Variants in CAMK1 observed in about 807,000 individuals in gnomAD.
CAMK1 encodes the protein calcium/calmodulin-dependent protein kinase type 1.
In CAMK1, 39 loss-of-function variants were observed where a neutral mutation model predicts 49.1. That is an observed-to-expected ratio of 0.79 (90% CI 0.62 to 1.04). The LOEUF (loss-of-function observed/expected upper bound fraction) is 1.04, where lower values mean the gene tolerates loss of function less well. Ranked by LOEUF, CAMK1 falls within the 50% of genes least tolerant of loss-of-function variation. The pLI is 0.00. For missense variants in CAMK1, 457 were observed against 472.2 expected (o/e 0.97, Z 0.30); for synonymous variants, 192 against 185.2 (o/e 1.04, Z -0.30).
chr3:9,757,716 G>A lies in CAMK1; in HGVS notation c.1030+13C>T, dbSNP rs771826644. 2 of 1,614,070 alleles carry A rather than the reference G, an allele frequency of 1.2e-6. No individual in the cohort carries two copies. The highest frequency in any genetic ancestry group is 1.7e-5 in the Admixed American group (1 of 60,026). On this transcript the variant is annotated intron_variant, in intron 11 of 11. Coordinates refer to ENST00000256460, the MANE Select transcript of CAMK1 (RefSeq NM_003656.5). This position sits in a 1 kb window ranked among gnomAD's most constrained non-coding sequence, Gnocchi z 4.5. ...TGGACCACCCATGCCCTTCTGCAGA[G>A]CCCGCTCCTCACCCCCAGCCACTGG...
At chr3:9,762,343 GA>G (rs1188798186) in intron 5 of CAMK1, 1 of 153,670 alleles carries the variant, frequency 6.5e-6, no homozygotes, top group Non-Finnish European at 1.4e-5. Flanking sequence ...TACAGAAGGG[GA>G]ATAGGATTTT....
At position 9,767,702 on chromosome 3, in the gene CAMK1, A is replaced by G. The variant is rs761233875; in HGVS notation, c.48T>C (p.Ile16=). Residue 16 remains isoleucine (I), a synonymous_variant, in exon 2 of 12, where the codon ATT becomes ATC. Coordinates refer to ENST00000256460, the MANE Select transcript of CAMK1 (RefSeq NM_003656.5). ...EGPRWKQAED[I]RDIYDFRDVL... ...CATCTCGGAAGTCGTAGATGTCTCTAATGTCCTCCGCCTGCTTCCACCTGG... is the reference window on the plus strand; with the variant it reads ...CATCTCGGAAGTCGTAGATGTCTCTGATGTCCTCCGCCTGCTTCCACCTGG... 1.2e-6 allele frequency: 2 copies of G among 1,614,018 alleles called. No individual in the cohort carries two copies. The highest frequency in any genetic ancestry group is 8.5e-7 in the Non-Finnish European group (1 of 1,179,992).
chr3:9,760,905 G>T, intron 7 of CAMK1, 137 bp from the exon 8 acceptor site: 1 of 1,283,300 alleles, frequency 7.8e-7, no homozygotes, highest in Non-Finnish European at 1.1e-6. Context: ...AGCCCTGCCT[G>T]CTCACTCCTG....
intron 5 of CAMK1, among the ~76,000 whole-genome samples, chr3:9,762,484 C>T (rs973973529): frequency 8.5e-5 from 13 of 152,172 alleles, no homozygotes; most frequent in African/African-American, 2.7e-4. Flanking sequence ...CCAAGTGATT[C>T]GCCTGCCTCA....
chr3:9,767,666 C>G lies in CAMK1; in HGVS notation c.83+1G>C. ...AGCACCCAATCCTGCCCTGGACTCA[C>G]GTGCCCAGAACATCTCGGAAGTCGT... On this transcript the variant is annotated splice_donor_variant, in intron 2 of 11. Coordinates refer to ENST00000256460, the MANE Select transcript of CAMK1 (RefSeq NM_003656.5). LOFTEE classifies it high-confidence loss of function. 2 of 1,614,130 alleles carry G rather than the reference C, an allele frequency of 1.2e-6. No homozygotes were observed. The highest frequency in any genetic ancestry group is 1.7e-6 in the Non-Finnish European group (2 of 1,180,014).
At chr3:9,764,789 C>G (rs940799884) in intron 3 of CAMK1, among the ~76,000 whole-genome samples, 1 of 151,586 alleles carries the variant, frequency 6.6e-6, no homozygotes, top group Admixed American at 6.6e-5. Flanking sequence ...TGTGCCACCA[C>G]GCCTGGCTAA....
chr3:9,768,888 A>G (rs1291805985), intron 1 of CAMK1, among the ~76,000 whole-genome samples: 1 of 152,124 alleles, frequency 6.6e-6, no homozygotes, highest in African/African-American at 2.4e-5. Flanking sequence ...AGAATCTTCT[A>G]GGAAAGGAGA....
rs1286576687 is a variant in CAMK1, at chr3:9,757,906, G to T, written c.913-60C>A. On this transcript the variant is annotated intron_variant, in intron 10 of 11. Coordinates refer to ENST00000256460, the MANE Select transcript of CAMK1 (RefSeq NM_003656.5). This position sits in a 1 kb window ranked among gnomAD's most constrained non-coding sequence, Gnocchi z 4.5. ...AGGACTTTTGAGAGAGTCAAGTCAT[G>T]GGGCAGGGGCGCAGTGGGATTCTTG... 1 of 1,539,246 alleles carries T rather than the reference G, an allele frequency of 6.5e-7. No individual in the cohort carries two copies. Among genetic ancestry groups the T allele is most frequent in the Non-Finnish European group, 8.8e-7 (1 of 1,140,544 alleles).
chr3:9,759,272 C>T, intron 10 of CAMK1: 1 of 1,613,540 alleles, frequency 6.2e-7, no homozygotes, highest in Non-Finnish European at 8.5e-7. Context: ...CAGACTTCTT[C>T]CTCTAGACTT....
Position 9,761,701 on chromosome 3 carries a change from G to T in CAMK1, c.486C>A (p.Asp162Glu). Residue 162 changes from aspartate to glutamate, a missense_variant, in exon 6 of 12, where the codon GAC becomes GAA. Coordinates refer to ENST00000256460, the MANE Select transcript of CAMK1 (RefSeq NM_003656.5). Reference protein sequence around the residue: ...LDEDSKIMISDFGLSKMEDPG... With the variant: ...LDEDSKIMISEFGLSKMEDPG... ...GGTCCTCCATCTTGGAGAGGCCAAA[G>T]TCGGAGATCATGATTTTGGAGTCTT... 2 of 1,614,156 alleles carry T rather than the reference G, an allele frequency of 1.2e-6. No homozygotes were observed. The highest frequency in any genetic ancestry group is 1.7e-6 in the Non-Finnish European group (2 of 1,180,028).
chr3:9,765,449 A>T (rs901968327), intron 3 of CAMK1, among the ~76,000 whole-genome samples: 1 of 152,124 alleles, frequency 6.6e-6, no homozygotes, highest in African/African-American at 2.4e-5. Context: ...AGGTCCAGAG[A>T]CAACACCAAC....
chr3:9,757,409 G>T lies in CAMK1; in HGVS notation c.*130C>A. The T allele has an allele frequency of 6.2e-7, 1 of 1,609,932 alleles. No individual in the cohort carries two copies. Among genetic ancestry groups the T allele is most frequent in the East Asian group, 2.2e-5 (1 of 44,750 alleles). On this transcript the variant is annotated 3_prime_UTR_variant, in exon 12 of 12. Transcript: ENST00000256460. The surrounding 1 kb of genome is among the most constrained non-coding windows in gnomAD (Gnocchi z 4.5). ...AAATAGAAACATTTGTATGGAAAAT[G>T]CAGTGAGGAGTGGTAGGGAAGCAGG...
chr3:9,769,016 G>A (rs1004151443), intron 1 of CAMK1, among the ~76,000 whole-genome samples: 2 of 151,786 alleles, frequency 1.3e-5, no homozygotes, highest in Non-Finnish European at 2.9e-5. Flanking sequence ...CCCCTCCACA[G>A]CCCTGAACTC....
chr3:9,757,838 G>T lies in CAMK1; in HGVS notation c.921C>A (p.Phe307Leu). Residue 307 changes from phenylalanine (F) to leucine (L), a missense_variant, in exon 11 of 12, where the codon TTC becomes TTA. Physicochemically the swap from Phe to Leu is conservative, Grantham distance 22. Transcript: ENST00000256460. The surrounding 1 kb of genome is among the most constrained non-coding windows in gnomAD (Gnocchi z 4.5). ...TGTGCCGCACCACAGCCGTGGCATT[G>T]AAGGCTTGCTGGCATTGAAGGCATT... The part of the protein sequence containing the change: ...NFAKSKWKQA[F>L]NATAVVRHMR... 3.1e-6 allele frequency: 5 copies of T among 1,605,692 alleles called. No individual in the cohort carries two copies. Among genetic ancestry groups the T allele is most frequent in the Non-Finnish European group, 3.4e-6 (4 of 1,173,218 alleles).
rs758422677 is a variant in CAMK1, at chr3:9,759,605, A to G, written c.825-30T>C. On this transcript the variant is annotated intron_variant, in intron 9 of 11. Transcript: ENST00000256460. ...GATGGGGTTATGTGGTGGGTTGCCT[A>G]TGAGGGCAGAAGCAGACCTGAGGGC... 6 of 1,614,010 alleles carry G rather than the reference A, an allele frequency of 3.7e-6. No individual in the cohort carries two copies. In the African/African-American group the frequency reaches 4.0e-5, roughly 11 times the overall value.
intron 9 of CAMK1, 37 bp downstream of exon 9, chr3:9,759,635 A>T (rs1391680656): frequency 1.2e-6 from 2 of 1,613,968 alleles, no homozygotes; most frequent in African/African-American, 2.7e-5. Flanking sequence ...GAGGGCCCCA[A>T]ATCCCGCCCC....
intron 2 of CAMK1, among the ~76,000 whole-genome samples, chr3:9,767,149 A>G (rs994800287): frequency 2.0e-5 from 3 of 152,098 alleles, no homozygotes; most frequent in African/African-American, 7.2e-5. Context: ...CCCCAGCTCT[A>G]ATGCCCCATT....
intron 3 of CAMK1, among the ~76,000 whole-genome samples, chr3:9,764,494 TAG>T (rs1354949071): frequency 6.6e-6 from 1 of 152,022 alleles, no homozygotes; most frequent in Non-Finnish European, 1.5e-5. Flanking sequence ...GTATTTTTAG[TAG>T]AGACGGAGTT....
chr3:9,761,412 G>GAGAGGACAACTCTGGAGCC (rs753090515), intron 7 of CAMK1, 49 bp downstream of exon 7: 1 of 1,562,558 alleles, frequency 6.4e-7, no homozygotes, highest in Admixed American at 1.8e-5. Flanking sequence ...GAAAGTAGGC[G>GAGAGGACAACTCTGGAGCC]AGAGGACAAC....
Sources: gnomAD v4.1 joint callset for allele counts (sites outside exome capture counted in the v4.1 genomes callset) on GRCh38, gnomAD v4.1.1 for gene constraint, Gnocchi (gnomAD v3.1) non-coding constraint, MANE v1.5 for transcripts, NCBI Gene and HGNC (gene_info 2026-07-23, HGNC 2026-07-21) for gene names.